LIMCH1: variants seen among roughly 807,000 people sequenced by gnomAD.
LIMCH1 encodes the protein LIM and calponin homology domains-containing protein 1.
In LIMCH1, 113 loss-of-function variants were observed where a neutral mutation model predicts 176.5. That is an observed-to-expected ratio of 0.64 (90% CI 0.55 to 0.75). LIMCH1 has a LOEUF of 0.75. Among genes scored for constraint, LIMCH1 ranks in the 30% least tolerant of loss-of-function variants. LIMCH1 has a pLI of 0.00. For missense variants in LIMCH1, 1,674 were observed against 1,814.9 expected (o/e 0.92, Z 1.41); for synonymous variants, 619 against 645.9 (o/e 0.96, Z 0.63).
At chr4:41,685,151 G>A (rs1719638903) in intron 27 of LIMCH1, among the ~76,000 whole-genome samples, 1 of 152,178 alleles carries the variant, frequency 6.6e-6, no homozygotes, top group African/African-American at 2.4e-5. Flanking sequence ...AGCAAATCTG[G>A]CTGACCAAAT....
At chr4:41,382,949 C>T (rs1386489758) in intron 1 of LIMCH1, among the ~76,000 whole-genome samples, 2 of 152,116 alleles carry the variant, frequency 1.3e-5, no homozygotes, top group Non-Finnish European at 2.9e-5. Flanking sequence ...TGCCAGCACA[C>T]CTGGCTATCT....
Position 41,603,897 on chromosome 4 carries a change from CT to C in LIMCH1, c.-110del. ...TAGGAGCCTTGATTATAGTAGGAAG[CT>C]GAAAAATGTAAGTGTTTTAACTTCC... is the stretch of plus-strand genomic sequence containing the variant. On this transcript the variant is annotated 5_prime_UTR_variant, in exon 3 of 32. Coordinates refer to ENST00000503057, the MANE Select transcript of LIMCH1 (RefSeq NM_001330672.2). 3 of 1,607,352 alleles carry C rather than the reference CT, an allele frequency of 1.9e-6. No individual in the cohort carries two copies. The highest frequency in any genetic ancestry group is 2.6e-6 in the Non-Finnish European group (3 of 1,174,826).
intron 31 of LIMCH1, among the ~76,000 whole-genome samples, chr4:41,693,617 T>C (rs867668403): frequency 2.0e-4 from 30 of 151,132 alleles, no homozygotes; most frequent in Middle Eastern, 7.1e-3. Flanking sequence ...AATTAACATA[T>C]ATAGTACATG....
chr4:41,487,420 T>G (rs2069808677), intron 1 of LIMCH1, among the ~76,000 whole-genome samples: 2 of 152,032 alleles, frequency 1.3e-5, no homozygotes, highest in Non-Finnish European at 1.5e-5. Context: ...GGAACAGAGG[T>G]GGAAACTAGC....
Position 41,367,856 on chromosome 4 carries a change from G to A in LIMCH1, c.96+6920G>A, listed in dbSNP as rs1581090029. ...CACTCCAGCCTGGGCGGCAGTGCGA[G>A]ACTCCATCATAAAAAAAAAAAAAAA... On this transcript the variant is annotated intron_variant, in intron 1 of 26. Coordinates refer to the LIMCH1 transcript ENST00000313860. Among the ~76,000 whole-genome samples, 3 of 134,748 alleles carry A rather than the reference G, an allele frequency of 2.2e-5. No homozygotes were observed. The East Asian group carries it at 6.3e-4, about 28-fold the overall frequency. The allele number at this position is 134,748 out of a possible 152,430, so 88.4% of individuals were successfully genotyped here.
At chr4:41,612,855 T>C (rs562683519) in intron 4 of LIMCH1, 520 of 1,253,416 alleles carry the variant, frequency 4.1e-4, no homozygotes, top group African/African-American at 1.6e-3. Context: ...GCCTTTCTTT[T>C]TTTTTTTTTT....
chr4:41,680,033 C>T lies in LIMCH1; in HGVS notation c.3547C>T (p.Leu1183=), dbSNP rs1465575767. 6.2e-7 allele frequency: 1 copy of T among 1,610,304 alleles called. No individual in the cohort carries two copies. The highest frequency in any genetic ancestry group is 1.1e-5 in the South Asian group (1 of 89,942). The change falls in exon 24 of 32, where the codon CTG becomes TTG. Residue 1183 remains leucine (L), a synonymous_variant. Coordinates refer to ENST00000503057, the MANE Select transcript of LIMCH1 (RefSeq NM_001330672.2). ...QERYQKEQDK[L]KEEWEKAQKE... is the part of the protein sequence containing the mutation. ...GAGATACCAGAAGGAGCAGGACAAGCTGAAAGAAGAGTGGGAAAAGGCCCA... is the reference window on the plus strand; with the variant it reads ...GAGATACCAGAAGGAGCAGGACAAGTTGAAAGAAGAGTGGGAAAAGGCCCA...
chr4:41,398,983 TA>T (rs2058089647), intron 1 of LIMCH1, among the ~76,000 whole-genome samples: 1 of 152,130 alleles, frequency 6.6e-6, no homozygotes, highest in South Asian at 2.1e-4. Flanking sequence ...TCCAGAAACA[TA>T]AAAGGAGAAT....
intron 1 of LIMCH1, among the ~76,000 whole-genome samples, chr4:41,547,877 A>G (rs2079791878): frequency 7.3e-6 from 1 of 137,862 alleles, no homozygotes; most frequent in Non-Finnish European, 1.5e-5. Context: ...ATATATATAT[A>G]TATATATATA....
At position 41,441,364 on chromosome 4, in the gene LIMCH1, A is replaced by G. The variant is rs540800052; in HGVS notation, c.97-53172A>G. ...CTATTTGTCTTAGTTCCCTTGGCCAATCCTCTTTCTTATTGTCCCATTTCT... is the reference window on the plus strand; with the variant it reads ...CTATTTGTCTTAGTTCCCTTGGCCAGTCCTCTTTCTTATTGTCCCATTTCT... On this transcript the variant is annotated intron_variant, in intron 1 of 26. Transcript: ENST00000313860. Among the ~76,000 whole-genome samples, 52 of 152,276 alleles carry G rather than the reference A, an allele frequency of 3.4e-4. 2 individuals are homozygous for G. The South Asian group carries it at 6.0e-3, about 18-fold the overall frequency.
rs556953385 is a variant in LIMCH1, at chr4:41,666,401, G to A, written c.3292-160G>A. 2.5e-4 allele frequency among the ~76,000 whole-genome samples: 38 copies of A among 152,300 alleles called. 1 individual carries two copies. The South Asian group carries it at 6.8e-3, about 27-fold the overall frequency. ...TGTTAATGTAGAGAAGGATGAAAGC[G>A]TTTTAGGGAAGAAACAAAAAATGAA... On this transcript the variant is annotated intron_variant, in intron 20 of 31. Coordinates refer to ENST00000503057, the MANE Select transcript of LIMCH1 (RefSeq NM_001330672.2).
chr4:41,501,082 G>A (rs2073188859), intron 2 of LIMCH1, among the ~76,000 whole-genome samples: 1 of 152,126 alleles, frequency 6.6e-6, no homozygotes, highest in South Asian at 2.1e-4. Flanking sequence ...GAGGTCACTG[G>A]GGAGTTCAGG....
At chr4:41,530,679 T>C (rs2077161985) in intron 3 of LIMCH1, among the ~76,000 whole-genome samples, 2 of 150,342 alleles carry the variant, frequency 1.3e-5, no homozygotes, top group African/African-American at 2.5e-5. Context: ...TGGTGGTGTG[T>C]GCCCGTAATC....
At chr4:41,661,876 T>C in intron 19 of LIMCH1, 1 of 386,298 alleles carries the variant, frequency 2.6e-6, no homozygotes, top group Non-Finnish European at 4.9e-6. Flanking sequence ...AACATAAAAA[T>C]AGACGCTGAA....
intron 1 of LIMCH1, among the ~76,000 whole-genome samples, chr4:41,473,420 CA>C (rs1363727119): frequency 7.9e-5 from 12 of 152,304 alleles, no homozygotes; most frequent in African/African-American, 2.4e-4. Flanking sequence ...CTCTCTTTTA[CA>C]AACAACAGAT....
At chr4:41,397,434 GT>G (rs1005595664) in intron 1 of LIMCH1, among the ~76,000 whole-genome samples, 2 of 150,918 alleles carry the variant, frequency 1.3e-5, no homozygotes, top group East Asian at 1.9e-4. Flanking sequence ...CCTTCCTGAA[GT>G]TTTTTTTTCA....
intron 1 of LIMCH1, among the ~76,000 whole-genome samples, chr4:41,403,598 A>G (rs2058683380): frequency 6.6e-6 from 1 of 152,152 alleles, no homozygotes. Context: ...TAAATAAATA[A>G]AATAAAATTA....
At chr4:41,637,350 A>G (rs1202142718) in intron 13 of LIMCH1, among the ~76,000 whole-genome samples, 2 of 152,064 alleles carry the variant, frequency 1.3e-5, no homozygotes, top group Non-Finnish European at 2.9e-5. Context: ...CACCATGCCC[A>G]GCTAATTTTT....
chr4:41,517,078 G>A (rs2075651168), intron 2 of LIMCH1, among the ~76,000 whole-genome samples: 1 of 152,180 alleles, frequency 6.6e-6, no homozygotes, highest in South Asian at 2.1e-4. Flanking sequence ...GAAGGATGGA[G>A]ACAACTCTGC....
Sources: gnomAD v4.1 joint callset for allele counts (sites outside exome capture counted in the v4.1 genomes callset) on GRCh38, gnomAD v4.1.1 for gene constraint, MANE v1.5 for transcripts, NCBI Gene and HGNC (gene_info 2026-07-23, HGNC 2026-07-21) for gene names.